The following OSTN variants were observed in gnomAD, a reference collection of about 807,000 sequenced individuals.
OSTN encodes osteocrin.
OSTN carries 9 observed loss-of-function variants against 12.0 expected under a neutral mutation model. The observed-to-expected ratio is 0.75, with a 90% CI of 0.45 to 1.30. The LOEUF is 1.30. Ranked by LOEUF, OSTN falls within the 50% of genes most tolerant of loss-of-function variation. The pLI, the probability that OSTN is intolerant of heterozygous loss-of-function variation, is 0.00. For synonymous variants in OSTN, 59 were observed against 56.9 expected (o/e 1.04, Z -0.16); for missense variants, 148 against 152.3 (o/e 0.97, Z 0.15).
chr3:191,259,543 G>A (rs968029821), intron 4 of OSTN, among the ~76,000 whole-genome samples: 2 of 151,248 alleles, frequency 1.3e-5, no homozygotes, highest in Admixed American at 6.6e-5. Flanking sequence ...AAATTAATAA[G>A]CCTTAACCAA....
intron 1 of OSTN, among the ~76,000 whole-genome samples, chr3:191,200,474 G>A (rs982088850): frequency 6.6e-6 from 1 of 152,110 alleles, no homozygotes; most frequent in African/African-American, 2.4e-5. Flanking sequence ...TACTCTCAAT[G>A]ATTTGAACAT....
chr3:191,223,867 G>A (rs1380179322), intron 3 of OSTN, among the ~76,000 whole-genome samples: 1 of 151,986 alleles, frequency 6.6e-6, no homozygotes, highest in Non-Finnish European at 1.5e-5. Flanking sequence ...GCTATAACTT[G>A]CCTATTAAAA....
At chr3:191,235,788 G>C (rs1024546499) in intron 3 of OSTN, among the ~76,000 whole-genome samples, 3 of 152,060 alleles carry the variant, frequency 2.0e-5, no homozygotes, top group African/African-American at 7.2e-5. Flanking sequence ...CTCTCCACAT[G>C]CTCTACATCT....
chr3:191,232,160 G>T (rs989505451), intron 3 of OSTN, among the ~76,000 whole-genome samples: 1 of 151,124 alleles, frequency 6.6e-6, no homozygotes, highest in Non-Finnish European at 1.5e-5. Context: ...GTGAAATCCC[G>T]TCTCTACTGA....
At chr3:191,248,099 G>T (rs551343174) in intron 3 of OSTN, among the ~76,000 whole-genome samples, 21 of 151,998 alleles carry the variant, frequency 1.4e-4, no homozygotes, top group Non-Finnish European at 2.4e-4. Context: ...CTCCCAAAGC[G>T]CTGGGATTAC....
intron 3 of OSTN, among the ~76,000 whole-genome samples, chr3:191,233,290 A>G (rs1321859294): frequency 6.6e-6 from 1 of 152,204 alleles, no homozygotes; most frequent in Non-Finnish European, 1.5e-5. Context: ...TTTTACCTGA[A>G]TAGGACACTA....
At chr3:191,205,446 A>G (rs1402940427) in intron 1 of OSTN, among the ~76,000 whole-genome samples, 1 of 137,524 alleles carries the variant, frequency 7.3e-6, no homozygotes, top group Non-Finnish European at 1.5e-5. Flanking sequence ...AAAAAAAAAT[A>G]TATATATATA....
At chr3:191,241,320 A>C (rs998150204) in intron 3 of OSTN, among the ~76,000 whole-genome samples, 14 of 151,684 alleles carry the variant, frequency 9.2e-5, no homozygotes, top group African/African-American at 3.1e-4. Flanking sequence ...GTAGATGGGA[A>C]TACAGGCGCT....
Position 191,239,940 on chromosome 3 carries a change from T to C in OSTN, c.318-10097T>C, listed in dbSNP as rs548801002. Among the ~76,000 whole-genome samples the C allele has an allele frequency of 9.2e-5, 14 of 152,338 alleles. No individual in the cohort carries two copies. The South Asian group carries it at 2.7e-3, about 29-fold the overall frequency. On this transcript the variant is annotated intron_variant, in intron 3 of 4. Coordinates refer to ENST00000682035, the MANE Select transcript of OSTN (RefSeq NM_198184.2). ...TGACTAGTTATAAAAGTCTGTCTAATACAGGGAGAAAACAACAGGAAGCCC... is the reference window on the plus strand; with the variant it reads ...TGACTAGTTATAAAAGTCTGTCTAACACAGGGAGAAAACAACAGGAAGCCC...
intron 3 of OSTN, among the ~76,000 whole-genome samples, chr3:191,240,454 G>A (rs1396010172): frequency 1.3e-5 from 2 of 152,132 alleles, no homozygotes; most frequent in African/African-American, 4.8e-5. Context: ...CCCCCAAATT[G>A]GGTGTGGTCT....
intron 4 of OSTN, among the ~76,000 whole-genome samples, chr3:191,259,270 C>A (rs1290419765): frequency 6.6e-6 from 1 of 151,548 alleles, no homozygotes; most frequent in African/African-American, 2.4e-5. Context: ...TCTCAGCTCA[C>A]TGCAACCTCC....
At chr3:191,249,324 C>A (rs1163128930) in intron 3 of OSTN, among the ~76,000 whole-genome samples, 2 of 152,026 alleles carry the variant, frequency 1.3e-5, no homozygotes, top group African/African-American at 4.8e-5. Flanking sequence ...ATTAGCAAAT[C>A]AAATTGAAAA....
intron 1 of OSTN, among the ~76,000 whole-genome samples, chr3:191,206,954 T>C (rs144774078): frequency 6.6e-6 from 1 of 152,328 alleles, no homozygotes; most frequent in East Asian, 1.9e-4. Context: ...CCAAGCTGAC[T>C]CACGACTTGC....
intron 1 of OSTN, 142 bp from the exon 2 acceptor site, chr3:191,212,391 G>T (rs887460482): frequency 2.8e-6 from 1 of 352,820 alleles, no homozygotes; most frequent in African/African-American, 2.1e-5. Context: ...TATTATTTAC[G>T]TTTTGTAGAG....
At chr3:191,213,156 A>G (rs941818403) in intron 2 of OSTN, 2 of 152,154 alleles carry the variant, frequency 1.3e-5, no homozygotes, top group African/African-American at 4.8e-5. Flanking sequence ...GGCGTGAGCC[A>G]CCACGCCCGG....
At chr3:191,247,128 G>T (rs535256620) in intron 3 of OSTN, among the ~76,000 whole-genome samples, 1 of 152,188 alleles carries the variant, frequency 6.6e-6, no homozygotes, top group Non-Finnish European at 1.5e-5. Flanking sequence ...TTTACTTTAT[G>T]TGGACAAAGA....
intron 1 of OSTN, among the ~76,000 whole-genome samples, chr3:191,204,216 A>C (rs1714219329): frequency 6.6e-6 from 1 of 152,086 alleles, no homozygotes; most frequent in Admixed American, 6.6e-5. Context: ...TTTAACGGGA[A>C]ATGTTAAATT....
At chr3:191,238,118 C>G (rs1715238183) in intron 3 of OSTN, among the ~76,000 whole-genome samples, 1 of 152,114 alleles carries the variant, frequency 6.6e-6, no homozygotes, top group African/African-American at 2.4e-5. Context: ...TTGGTCATCT[C>G]CAGAGGACAT....
intron 2 of OSTN, among the ~76,000 whole-genome samples, chr3:191,216,475 T>C (rs557521850): frequency 3.3e-5 from 5 of 152,344 alleles, no homozygotes; most frequent in South Asian, 2.1e-4. Context: ...TATTGCATCA[T>C]CAGGCTGCAA....
Sources: gnomAD v4.1 joint callset for allele counts (sites outside exome capture counted in the v4.1 genomes callset) on GRCh38, gnomAD v4.1.1 for gene constraint, MANE v1.5 for transcripts, NCBI Gene and HGNC (gene_info 2026-07-23, HGNC 2026-07-21) for gene names.